FAF1: variants seen among roughly 807,000 people sequenced by gnomAD.
FAF1 encodes FAS-associated factor 1.
FAF1 carries 25 observed loss-of-function variants against 92.5 expected under a neutral mutation model. That is an observed-to-expected ratio of 0.27 (90% CI 0.20 to 0.38). The LOEUF is 0.38. Ranked by LOEUF, FAF1 falls within the 10% of genes least tolerant of loss-of-function variation. The pLI is 1.00. For missense variants in FAF1, 636 were observed against 793.3 expected (o/e 0.80, Z 2.38); for synonymous variants, 234 against 273.2 (o/e 0.86, Z 1.42).
chr1:50,680,253 G>T (rs760925864), intron 7 of FAF1, among the ~76,000 whole-genome samples: 4 of 151,812 alleles, frequency 2.6e-5, no homozygotes, highest in African/African-American at 4.8e-5. Flanking sequence ...CTTGTTTTTT[G>T]GTTTGTTCCC....
At chr1:50,895,993 G>A (rs1347148824) in intron 1 of FAF1, among the ~76,000 whole-genome samples, 2 of 152,150 alleles carry the variant, frequency 1.3e-5, no homozygotes, top group Non-Finnish European at 2.9e-5. Flanking sequence ...GGGAACACAA[G>A]GATGCCCACT....
At chr1:50,891,167 G>C (rs902021807) in intron 1 of FAF1, among the ~76,000 whole-genome samples, 2 of 152,148 alleles carry the variant, frequency 1.3e-5, no homozygotes, top group African/African-American at 4.8e-5. Flanking sequence ...ATTGAAGCTT[G>C]TACATGTGTC....
intron 1 of FAF1, among the ~76,000 whole-genome samples, chr1:50,907,727 C>T (rs557783521): frequency 2.0e-5 from 3 of 151,810 alleles, no homozygotes; most frequent in Non-Finnish European, 2.9e-5. Flanking sequence ...GTGGTGATAT[C>T]CCCTTTATCA....
At chr1:50,900,155 TTC>T (rs1442680365) in intron 1 of FAF1, among the ~76,000 whole-genome samples, 5 of 152,144 alleles carry the variant, frequency 3.3e-5, no homozygotes, top group Admixed American at 3.3e-4. Flanking sequence ...ACTGTATACA[TTC>T]TCTCTCTCAG....
chr1:50,622,829 G>A (rs750424580), intron 8 of FAF1, among the ~76,000 whole-genome samples: 7 of 152,094 alleles, frequency 4.6e-5, no homozygotes, highest in African/African-American at 1.7e-4. Context: ...TCTGGAGAAC[G>A]TTTGATAGTA....
At chr1:50,602,875 A>G (rs1366876780) in intron 8 of FAF1, among the ~76,000 whole-genome samples, 1 of 152,154 alleles carries the variant, frequency 6.6e-6, no homozygotes, top group Admixed American at 6.5e-5. Context: ...CAGTTGTATA[A>G]TAACTGCTAC....
chr1:50,838,685 A>G (rs2124641913), intron 2 of FAF1, among the ~76,000 whole-genome samples: 1 of 151,928 alleles, frequency 6.6e-6, no homozygotes, highest in Middle Eastern at 3.4e-3. Flanking sequence ...TTTTGCAAAT[A>G]TAAACATTCT....
At chr1:50,478,630 T>A (rs1218545537) in intron 17 of FAF1, among the ~76,000 whole-genome samples, 2 of 152,260 alleles carry the variant, frequency 1.3e-5, no homozygotes, top group Admixed American at 1.3e-4. Context: ...TCCACTAATT[T>A]TTAAAATATT....
intron 3 of FAF1, 86 bp from the exon 4 acceptor site, chr1:50,788,291 T>TTGTTCTTCCTATCAAG (rs1661437411): frequency 9.0e-7 from 1 of 1,114,536 alleles, no homozygotes; most frequent in East Asian, 2.5e-5. Context: ...TTGGCTTGTG[T>TTGTTCTTCCTATCAAG]TGTTCTTCCT....
chr1:50,768,155 C>T (rs1222888741), intron 4 of FAF1, among the ~76,000 whole-genome samples: 1 of 152,080 alleles, frequency 6.6e-6, no homozygotes, highest in East Asian at 1.9e-4. Flanking sequence ...ATTCTAACTT[C>T]AGACAAAACA....
intron 18 of FAF1, among the ~76,000 whole-genome samples, chr1:50,449,489 CT>C (rs373425527): frequency 0.12 from 15,043 of 124,472 alleles, 602 homozygotes; most frequent in African/African-American, 0.22. Flanking sequence ...CTTTTTCTTT[CT>C]TTTTTTTTTT....
At chr1:50,516,017 A>G (rs557971499) in intron 15 of FAF1, among the ~76,000 whole-genome samples, 1 of 152,256 alleles carries the variant, frequency 6.6e-6, no homozygotes, top group African/African-American at 2.4e-5. Flanking sequence ...CACCAGTCTA[A>G]GCACTTTACA....
intron 15 of FAF1, among the ~76,000 whole-genome samples, chr1:50,523,868 T>C (rs1296451662): frequency 1.3e-5 from 2 of 152,236 alleles, no homozygotes; most frequent in Non-Finnish European, 2.9e-5. Context: ...TGCAAGTGTC[T>C]TTATAACAGA....
At chr1:50,877,816 A>G (rs1256508813) in intron 1 of FAF1, among the ~76,000 whole-genome samples, 2 of 152,298 alleles carry the variant, frequency 1.3e-5, no homozygotes, top group Non-Finnish European at 2.9e-5. Context: ...TTCTTGTGAT[A>G]CCCAACTAAA....
chr1:50,645,440 G>C lies in FAF1; in HGVS notation c.744+10002C>G, dbSNP rs1025740339. Among the ~76,000 whole-genome samples, 13 of 152,354 alleles carry C rather than the reference G, an allele frequency of 8.5e-5. 1 individual carries two copies. In the Middle Eastern group the frequency reaches 0.01, roughly 120 times the overall value. On this transcript the variant is annotated intron_variant, in intron 8 of 18. Coordinates refer to ENST00000396153, the MANE Select transcript of FAF1 (RefSeq NM_007051.3). Reference sequence around the variant, plus strand: ...TTTCTCCGTAAAGGGCCAGACAGTAGATATTTCAGGTTTTGTGGGCCACAT... The same window carrying C: ...TTTCTCCGTAAAGGGCCAGACAGTACATATTTCAGGTTTTGTGGGCCACAT...
intron 2 of FAF1, among the ~76,000 whole-genome samples, chr1:50,844,201 C>A (rs1644279734): frequency 6.6e-6 from 1 of 152,150 alleles, no homozygotes; most frequent in African/African-American, 2.4e-5. Context: ...CTATTCAGAT[C>A]ATTTGCCCAT....
intron 17 of FAF1, among the ~76,000 whole-genome samples, chr1:50,490,003 G>A (rs1453850640): frequency 3.9e-5 from 6 of 152,148 alleles, no homozygotes; most frequent in African/African-American, 7.2e-5. Context: ...TTAAGGAAAC[G>A]TTAGGTCTTC....
At chr1:50,557,077 T>C (rs918451543) in intron 13 of FAF1, among the ~76,000 whole-genome samples, 1 of 152,168 alleles carries the variant, frequency 6.6e-6, no homozygotes, top group Non-Finnish European at 1.5e-5. Flanking sequence ...GGGACTAGGC[T>C]ATGTAATTTC....
Position 50,553,420 on chromosome 1 carries a change from T to C in FAF1, c.1268+13657A>G, listed in dbSNP as rs185135525. Among the ~76,000 whole-genome samples, 7 of 152,264 alleles carry C rather than the reference T, an allele frequency of 4.6e-5. No homozygotes were observed. In the East Asian group the frequency reaches 9.6e-4, roughly 21 times the overall value. ...GGACTTAAGACTCATTTGTGGGTGA[T>C]AAAACTTGTGAAGGTCAATAGACAG... On this transcript the variant is annotated intron_variant, in intron 13 of 18. Coordinates refer to ENST00000396153, the MANE Select transcript of FAF1 (RefSeq NM_007051.3).
Sources: allele counts gnomAD v4.1 joint callset (sites outside exome capture counted in the v4.1 genomes callset), GRCh38; gene constraint gnomAD v4.1.1; transcripts MANE v1.5; gene names NCBI Gene and HGNC (gene_info 2026-07-23, HGNC 2026-07-21).